LYPD6: variants seen among roughly 807,000 people sequenced by gnomAD.
The protein encoded by LYPD6 is LY6/PLAUR domain containing 6.
A neutral mutation model predicts 22.7 loss-of-function variants in LYPD6; 15 were observed. The ratio of observed to expected loss-of-function variants is 0.66; its 90% CI spans 0.44 to 1.02. The LOEUF is 1.02. LYPD6 is among the 50% of genes least tolerant of loss of function. The pLI, the probability that LYPD6 is intolerant of heterozygous loss-of-function variation, is 0.00. For synonymous variants in LYPD6, 72 were observed against 77.5 expected (o/e 0.93, Z 0.37); for missense variants, 189 against 208.4 (o/e 0.91, Z 0.57).
intron 1 of LYPD6, among the ~76,000 whole-genome samples, chr2:149,389,628 C>T (rs1682265949): frequency 6.6e-6 from 1 of 152,092 alleles, no homozygotes; most frequent in Non-Finnish European, 1.5e-5. Flanking sequence ...GGAAGGTCAC[C>T]AGGATTAAGA....
At chr2:149,394,768 G>A (rs530319812) in intron 1 of LYPD6, among the ~76,000 whole-genome samples, 47 of 151,978 alleles carry the variant, frequency 3.1e-4, no homozygotes, top group African/African-American at 9.6e-4. Context: ...CTTTCCTTCC[G>A]TTGATACTCA....
chr2:149,405,834 A>G (rs969548801), intron 1 of LYPD6, among the ~76,000 whole-genome samples: 4 of 146,694 alleles, frequency 2.7e-5, no homozygotes, highest in Admixed American at 2.7e-4. Flanking sequence ...TTAGGGTGTC[A>G]GTTTTGGATC....
chr2:149,370,772 C>T (rs1225706469), intron 1 of LYPD6, among the ~76,000 whole-genome samples: 2 of 152,126 alleles, frequency 1.3e-5, no homozygotes, highest in Non-Finnish European at 2.9e-5. Context: ...CCAGCCTGGG[C>T]AACAGTGAGA....
intron 1 of LYPD6, among the ~76,000 whole-genome samples, chr2:149,416,283 A>C (rs1682960771): frequency 6.6e-6 from 1 of 152,152 alleles, no homozygotes; most frequent in Non-Finnish European, 1.5e-5. Flanking sequence ...TGGCTTACTT[A>C]ATGATGTGAC....
At chr2:149,470,584 A>C in intron 4 of LYPD6, 99 bp from the exon 5 acceptor site, 1 of 984,688 alleles carries the variant, frequency 1.0e-6, no homozygotes, top group Non-Finnish European at 1.5e-6. Flanking sequence ...GGTAATTTTT[A>C]CTTGCATCTT....
intron 1 of LYPD6, among the ~76,000 whole-genome samples, chr2:149,382,776 G>C (rs1682095918): frequency 6.6e-6 from 1 of 152,150 alleles, no homozygotes; most frequent in Non-Finnish European, 1.5e-5. Flanking sequence ...AGATTTGATA[G>C]CCTATTATAA....
At position 149,471,622 on chromosome 2, in the gene LYPD6, T is replaced by G. The variant is rs1022965866; in HGVS notation, c.*772T>G. 5.3e-5 allele frequency: 8 copies of G among 152,300 alleles called. No individual in the cohort carries two copies. Among genetic ancestry groups the G allele is most frequent in the Admixed American group, 1.3e-4 (2 of 15,270 alleles). 9.4% of individuals were successfully genotyped at this position (152,300 alleles called of 1,614,324 possible). The stretch of plus-strand genomic sequence containing the variant: ...TGGCACCTAATTATGCTTCATGAGA[T>G]CCTAGATTCCACCTGAGTCAATTGT... On this transcript the variant is annotated 3_prime_UTR_variant, in exon 5 of 5. Transcript: ENST00000334166.
chr2:149,357,405 C>G (rs1012848585), intron 1 of LYPD6, among the ~76,000 whole-genome samples: 1 of 152,186 alleles, frequency 6.6e-6, no homozygotes, highest in Non-Finnish European at 1.5e-5. Flanking sequence ...ACATCAATAA[C>G]AATCTCACCT....
intron 1 of LYPD6, among the ~76,000 whole-genome samples, chr2:149,399,213 C>A (rs778412864): frequency 2.0e-5 from 3 of 151,226 alleles, no homozygotes; most frequent in Non-Finnish European, 4.4e-5. Context: ...TTTTTATTTT[C>A]TTCTAATGAA....
intron 1 of LYPD6, among the ~76,000 whole-genome samples, chr2:149,383,466 A>G (rs1341267936): frequency 2.0e-5 from 3 of 152,192 alleles, no homozygotes; most frequent in Middle Eastern, 3.2e-3. Flanking sequence ...TCTGTTTAAC[A>G]TCAGAGAGAT....
chr2:149,424,863 T>A lies in LYPD6; in HGVS notation c.-71-12775T>A, dbSNP rs1050792769. 3.9e-5 allele frequency among the ~76,000 whole-genome samples: 6 copies of A among 152,192 alleles called. No individual in the cohort carries two copies. In the East Asian group the frequency reaches 1.2e-3, roughly 29 times the overall value. ...CAGAACCGATGCTTCTCATTGCTGC[T>A]GGAGCTCCCACTTTACTTCCTCCCC... On this transcript the variant is annotated intron_variant, in intron 1 of 4. Transcript: ENST00000334166.
intron 1 of LYPD6, among the ~76,000 whole-genome samples, chr2:149,362,373 G>C (rs1358373767): frequency 2.0e-5 from 3 of 152,106 alleles, no homozygotes; most frequent in Admixed American, 2.0e-4. Context: ...CCACAGAAAT[G>C]GGTAAACCTG....
intron 1 of LYPD6, among the ~76,000 whole-genome samples, chr2:149,429,157 T>C (rs1683248808): frequency 6.6e-6 from 1 of 152,178 alleles, no homozygotes; most frequent in Non-Finnish European, 1.5e-5. Context: ...TGGTTTCAGC[T>C]ACATGCTAGT....
At chr2:149,371,023 CT>C (rs1422360699) in intron 1 of LYPD6, among the ~76,000 whole-genome samples, 1 of 152,182 alleles carries the variant, frequency 6.6e-6, no homozygotes, top group African/African-American at 2.4e-5. Flanking sequence ...TTGAGGTTGT[CT>C]TTCTCCTGTC....
At chr2:149,484,010 A>G in the LYPD6 span, among the ~76,000 whole-genome samples, 3 of 152,202 alleles carry the variant, frequency 2.0e-5, no homozygotes, top group Non-Finnish European at 4.4e-5. Context: ...AAATTTCTTC[A>G]CATTGTGTTG....
chr2:149,460,125 G>A (rs1310453082), intron 3 of LYPD6, among the ~76,000 whole-genome samples: 1 of 151,988 alleles, frequency 6.6e-6, no homozygotes, highest in Non-Finnish European at 1.5e-5. Flanking sequence ...GTAACCCATA[G>A]GAATGTAAGA....
chr2:149,396,883 A>C (rs940064585), intron 1 of LYPD6, among the ~76,000 whole-genome samples: 4 of 152,174 alleles, frequency 2.6e-5, no homozygotes. Flanking sequence ...CACTGGTTCC[A>C]GGACACCCTC....
Position 149,473,251 on chromosome 2 carries a change from C to G in LYPD6, c.*2401C>G, listed in dbSNP as rs1051775975. The G allele has an allele frequency of 1.3e-5, 2 of 152,592 alleles. No individual in the cohort carries two copies. Among genetic ancestry groups the G allele is most frequent in the African/African-American group, 4.8e-5 (2 of 41,428 alleles). The allele number at this position is 152,592 out of a possible 1,614,324, so 9.5% of individuals were successfully genotyped here. On this transcript the variant is annotated 3_prime_UTR_variant, in exon 5 of 5. Transcript: ENST00000334166. ...ACAGTGGTGCAGATTCAACCACCACCCAGGGAGTGCTTGCAGACTCTGCAT... is the reference window on the plus strand; with the variant it reads ...ACAGTGGTGCAGATTCAACCACCACGCAGGGAGTGCTTGCAGACTCTGCAT...
chr2:149,479,898 C>G, the LYPD6 span, among the ~76,000 whole-genome samples: 1 of 152,266 alleles, frequency 6.6e-6, no homozygotes, highest in Middle Eastern at 3.4e-3. Flanking sequence ...AAACAATGCC[C>G]TCTCTATGGG....
Sources: gnomAD v4.1 joint callset for allele counts (sites outside exome capture counted in the v4.1 genomes callset) on GRCh38, gnomAD v4.1.1 for gene constraint, MANE v1.5 for transcripts, NCBI Gene and HGNC (gene_info 2026-07-23, HGNC 2026-07-21) for gene names.